The following TTN variants were observed in gnomAD, a reference collection of about 807,000 sequenced individuals.
The protein encoded by TTN is titin, also known as connectin.
In TTN, 1,525 loss-of-function variants were observed where a neutral mutation model predicts 3,223.0. That is an observed-to-expected ratio of 0.47 (90% CI 0.45 to 0.49). The LOEUF (loss-of-function observed/expected upper bound fraction) is 0.49. Ranked by LOEUF, TTN falls within the 20% of genes least tolerant of loss-of-function variation. The pLI is 0.00. For missense variants in TTN, 40,786 were observed against 43,424.0 expected (o/e 0.94, Z 5.40); for synonymous variants, 14,094 against 15,161.0 (o/e 0.93, Z 5.17).
Position 178,548,472 on chromosome 2 carries a change from C to T in TTN, c.93154G>A (p.Val31052Met), listed in dbSNP as rs764170998. The part of the protein sequence containing the change: ...LDGGARIHHY[V>M]VEKREASRRS... ...CGACTTGCCTCTCGTTTCTCTACCACATAATGATGGATTCGGGCACCACCG... is the reference window on the plus strand; with the variant it reads ...CGACTTGCCTCTCGTTTCTCTACCATATAATGATGGATTCGGGCACCACCG... Residue 31052 changes from valine (V) to methionine (M), a missense_variant, in exon 339 of 363, where the codon GTG becomes ATG. Transcript: ENST00000589042. This position sits in a 1 kb window ranked among gnomAD's most constrained non-coding sequence, Gnocchi z 4.3. The T allele has an allele frequency of 4.3e-6, 7 of 1,613,892 alleles. No individual in the cohort carries two copies. Among genetic ancestry groups the T allele is most frequent in the South Asian group, 1.1e-5 (1 of 91,082 alleles).
At chr2:178,693,013 A>C (rs2072852133) in intron 119 of TTN, among the ~76,000 whole-genome samples, 1 of 152,020 alleles carries the variant, frequency 6.6e-6, no homozygotes, top group Non-Finnish European at 1.5e-5. Context: ...TAGTGCTTGC[A>C]GATTTCCGAT....
In TTN at chr2:178,669,671, G is replaced by A. The variant is rs748919007; in HGVS notation, c.35391C>T (p.Pro11797=). The A allele has an allele frequency of 1.1e-5, 17 of 1,611,748 alleles. No homozygotes were observed. Among genetic ancestry groups the A allele is most frequent in the East Asian group, 6.7e-5 (3 of 44,804 alleles). ...CTGGGACAATTTTCTTGGGTACTTCGGGTGCTTTAAAGATATTTATTTATC... is the reference window on the plus strand; with the variant it reads ...CTGGGACAATTTTCTTGGGTACTTCAGGTGCTTTAAAGATATTTATTTATC... ...EEPRVPPTKA[P]EVPKKIVPEE... Residue 11797 remains proline (P), a synonymous_variant, in exon 158 of 363, where the codon CCC becomes CCT. Coordinates refer to ENST00000589042, the MANE Select transcript of TTN (RefSeq NM_001267550.2).
In TTN at chr2:178,608,169, A is replaced by G; in HGVS notation, c.52705+9T>C. 1 of 1,601,342 alleles carries G rather than the reference A, an allele frequency of 6.2e-7. No individual in the cohort carries two copies. Among genetic ancestry groups the G allele is most frequent in the Non-Finnish European group, 8.5e-7 (1 of 1,173,792 alleles). ...TTCTACTCCACCTTCTTCTTAAGGAACTACTTACAGATTGGATCATGTGCT... is the reference window on the plus strand; with the variant it reads ...TTCTACTCCACCTTCTTCTTAAGGAGCTACTTACAGATTGGATCATGTGCT... On this transcript the variant is annotated intron_variant, in intron 275 of 362. Coordinates refer to ENST00000589042, the MANE Select transcript of TTN (RefSeq NM_001267550.2).
rs147541407 is a variant in TTN, at chr2:178,526,386, G to A, written c.*626C>T. 1 of 152,754 alleles carries A rather than the reference G, an allele frequency of 6.5e-6. No homozygotes were observed. Among genetic ancestry groups the A allele is most frequent in the African/African-American group, 2.4e-5 (1 of 41,580 alleles). 9.5% of individuals were successfully genotyped at this position (152,754 alleles called of 1,614,324 possible). ...CCTTATGTCAGAGACAGCGTAAAAT[G>A]AGCGAACAAAGTGTTGGCCGTTACA... is the stretch of plus-strand genomic sequence containing the variant. On this transcript the variant is annotated 3_prime_UTR_variant, in exon 363 of 363. Transcript: ENST00000589042.
At position 178,757,931 on chromosome 2, in the gene TTN, A is replaced by G; in HGVS notation, c.10304-15T>C. On this transcript the variant is annotated splice_polypyrimidine_tract_variant and intron_variant, in intron 44 of 362. Coordinates refer to ENST00000589042, the MANE Select transcript of TTN (RefSeq NM_001267550.2). ...TTTGCTAAATCCTGAAAAGAAGCAT[A>G]CCAATTTTTAATGTCTTACCTTGCA... is the stretch of plus-strand genomic sequence containing the variant. 4 of 1,514,280 alleles carry G rather than the reference A, an allele frequency of 2.6e-6. No individual in the cohort carries two copies. Among genetic ancestry groups the G allele is most frequent in the Non-Finnish European group, 3.5e-6 (4 of 1,132,946 alleles). 93.8% of individuals were successfully genotyped at this position (1,514,280 alleles called of 1,614,324 possible).
At position 178,569,278 on chromosome 2, in the gene TTN, T is replaced by A; in HGVS notation, c.76854A>T (p.Val25618=). The change falls in exon 326 of 363, where the codon GTA becomes GTT. Residue 25618 remains valine, a synonymous_variant. Coordinates refer to ENST00000589042, the MANE Select transcript of TTN (RefSeq NM_001267550.2). ...ACAAAGGAGGTTCCCATGTAATTGA[T>A]ACTGAGTCTTTGGTGATTTCTGTGA... ...LKVTEITKDS[V]SITWEPPLLD... 2 of 1,609,612 alleles carry A rather than the reference T, an allele frequency of 1.2e-6. No homozygotes were observed. Among genetic ancestry groups the A allele is most frequent in the Non-Finnish European group, 1.7e-6 (2 of 1,177,410 alleles).
chr2:178,664,497 C>T lies in TTN; in HGVS notation c.36243G>A (p.Val12081=), dbSNP rs746989050. 1 of 1,612,342 alleles carries T rather than the reference C, an allele frequency of 6.2e-7. No individual in the cohort carries two copies. Among genetic ancestry groups the T allele is most frequent in the Non-Finnish European group, 8.5e-7 (1 of 1,179,512 alleles). ...ALREVVPEKK[V]HPPQRAEVVP... is the part of the protein sequence containing the mutation. ...CAACTTCAGCCCTTTGGGGAGGATG[C>T]ACTTTCTTTTCCGGGACAACTTCTC... The change falls in exon 168 of 363, where the codon GTG becomes GTA. Residue 12081 remains valine (V), a synonymous_variant. Coordinates refer to ENST00000589042, the MANE Select transcript of TTN (RefSeq NM_001267550.2).
rs1238448278 is a variant in TTN, at chr2:178,748,920, CT to C, written c.11311+4203del. On this transcript the variant is annotated intron_variant, in intron 47 of 362. Transcript: ENST00000589042. ...GATTCTCTTTGCTTTAATGAAAAGG[CT>C]TTGTCATCAATCTTCTTTTGAGGAG... 6.2e-7 allele frequency: 1 copy of C among 1,612,446 alleles called. No individual in the cohort carries two copies. The highest frequency in any genetic ancestry group is 1.1e-5 in the South Asian group (1 of 91,002).
At chr2:178,598,083 A>T in intron 292 of TTN, 25 bp from the exon 293 acceptor site, 1 of 1,603,316 alleles carries the variant, frequency 6.2e-7, no homozygotes, top group Non-Finnish European at 8.5e-7. Context: ...TAGACATTTT[A>T]TAATTAGAAT....
chr2:178,545,615 T>A lies in TTN; in HGVS notation c.95495A>T (p.Glu31832Val). ...EHIIIQWTKPESDGGNEISNY... is the reference protein window; with the variant it reads ...EHIIIQWTKPVSDGGNEISNY... Reference sequence around the variant, plus strand: ...GCTGATTTCATTGCCACCATCAGATTCAGGTTTTGTCCACTGAATGATGAT... The same window carrying A: ...GCTGATTTCATTGCCACCATCAGATACAGGTTTTGTCCACTGAATGATGAT... Residue 31832 changes from glutamate to valine, a missense_variant, in exon 344 of 363, where the codon GAA becomes GTA. Transcript: ENST00000589042. 10 of 1,613,792 alleles carry A rather than the reference T, an allele frequency of 6.2e-6. No individual in the cohort carries two copies. Among genetic ancestry groups the A allele is most frequent in the Non-Finnish European group, 8.5e-6 (10 of 1,179,730 alleles).
Position 178,731,872 on chromosome 2 carries a change from A to T in TTN, c.17003T>A (p.Ile5668Asn). 1 of 1,613,762 alleles carries T rather than the reference A, an allele frequency of 6.2e-7. No individual in the cohort carries two copies. Among genetic ancestry groups the T allele is most frequent in the Non-Finnish European group, 8.5e-7 (1 of 1,179,746 alleles). ...GATTGTGTTATCTTTGAACCAAGTG[A>T]TCTCAAAGGGAGGAGTGCCTGCCAC... is the stretch of plus-strand genomic sequence containing the variant. ...AEVAGTPPFEITWFKDNTILR... is the reference protein window; with the variant it reads ...AEVAGTPPFENTWFKDNTILR... Residue 5668 changes from isoleucine to asparagine, a missense_variant, in exon 58 of 363, where the codon ATC (isoleucine) becomes AAC (asparagine). By Grantham distance (149) the Ile-to-Asn change is moderately radical. Transcript: ENST00000589042.
In TTN at chr2:178,706,506, C is replaced by T; in HGVS notation, c.29368G>A (p.Glu9790Lys). 2 of 1,613,800 alleles carry T rather than the reference C, an allele frequency of 1.2e-6. No homozygotes were observed. Among genetic ancestry groups the T allele is most frequent in the Non-Finnish European group, 1.7e-6 (2 of 1,179,796 alleles). Residue 9790 changes from glutamate to lysine, a missense_variant, in exon 102 of 363, where the codon GAA becomes AAA. Coordinates refer to ENST00000589042, the MANE Select transcript of TTN (RefSeq NM_001267550.2). The stretch of plus-strand genomic sequence containing the variant: ...TCAATTTTCTCTTGTTTCTTCCTTT[C>T]ATCCACCTGTAAGTTAACATTACTT... ...IESNVNLQVDERKKQEKIEGD... is the reference protein window; with the variant it reads ...IESNVNLQVDKRKKQEKIEGD...
In TTN at chr2:178,567,151, T is replaced by C; in HGVS notation, c.78981A>G (p.Arg26327=). The change falls in exon 326 of 363, where the codon CGA becomes CGG. Residue 26327 remains arginine, a synonymous_variant. Coordinates refer to ENST00000589042, the MANE Select transcript of TTN (RefSeq NM_001267550.2). ...SDISHYVVEK[R]ETSRLAWTVV... is the part of the protein sequence containing the mutation. ...CAGTCCAGGCAAGTCGACTGGTTTC[T>C]CGCTTTTCAACAACATAGTGAGAAA... 6.2e-7 allele frequency: 1 copy of C among 1,613,558 alleles called. No homozygotes were observed. The highest frequency in any genetic ancestry group is 8.5e-7 in the Non-Finnish European group (1 of 1,179,616).
intron 99 of TTN, among the ~76,000 whole-genome samples, chr2:178,708,545 C>A (rs1281786766): frequency 1.3e-5 from 2 of 152,140 alleles, no homozygotes; most frequent in Non-Finnish European, 2.9e-5. Context: ...CTTCTGATGT[C>A]TATCCTTTAA....
rs748141182 is a variant in TTN at position 178,593,399 on chromosome 2, T to C, written c.58809A>G (p.Pro19603=). The change falls in exon 299 of 363, where the codon CCA becomes CCG. Residue 19603 remains proline, a synonymous_variant. Coordinates refer to ENST00000589042, the MANE Select transcript of TTN (RefSeq NM_001267550.2). The part of the protein sequence containing the change: ...KDSALVTWNK[P]HDGGKPITNY... ...TTGTGATGGGTTTTCCTCCATCATG[T>C]GGCTTATTCCAGGTTACTAATGCAG... The C allele has an allele frequency of 1.2e-6, 2 of 1,613,254 alleles. No individual in the cohort carries two copies. The highest frequency in any genetic ancestry group is 1.7e-6 in the Non-Finnish European group (2 of 1,179,576).
At chr2:178,685,035 A>G in intron 129 of TTN, 46 bp from the exon 130 acceptor site, 8 of 1,462,854 alleles carry the variant, frequency 5.5e-6, no homozygotes, top group Non-Finnish European at 7.5e-6. Context: ...CTTACATATG[A>G]AGTGACACAG....
chr2:178,741,234 T>C lies in TTN; in HGVS notation c.11999A>G (p.Asp4000Gly), dbSNP rs938144456. The C allele has an allele frequency of 6.2e-7, 1 of 1,613,540 alleles. No homozygotes were observed. Among genetic ancestry groups the C allele is most frequent in the Non-Finnish European group, 8.5e-7 (1 of 1,179,826 alleles). ...PNGSGTFIVN[D>G]PQREDSGLYI... The stretch of plus-strand genomic sequence containing the variant: ...GAGGCCACTGTCTTCCCTCTGAGGG[T>C]CATTGACAATGAAAGTTCCAGAGCC... The change falls in exon 48 of 363, where the codon GAC becomes GGC. Residue 4000 changes from aspartate (D) to glycine (G), a missense_variant. Asp to Gly is a moderately conservative substitution (Grantham distance 94). Transcript: ENST00000589042.
rs1433675030 is a variant in TTN at position 178,622,761 on chromosome 2, TGAG to T, written c.44819_44821del (p.Pro14940del). On this transcript the variant is annotated inframe_deletion, in exon 243 of 363. Transcript: ENST00000589042. Reference sequence around the variant, plus strand: ...GGTGAGTGGTCTTAAGAATTCCACATGAGGAGCTGTAAGAGAATGTCATCAGAA... The same window carrying T: ...GGTGAGTGGTCTTAAGAATTCCACATGAGCTGTAAGAGAATGTCATCAGAA... The T allele has an allele frequency of 1.3e-6, 2 of 1,598,100 alleles. No homozygotes were observed. The highest frequency in any genetic ancestry group is 1.3e-5 in the African/African-American group (1 of 74,522).
chr2:178,800,588 G>A lies in TTN; in HGVS notation c.390C>T (p.Ile130=). The A allele has an allele frequency of 1.9e-6, 3 of 1,614,092 alleles. No homozygotes were observed. Among genetic ancestry groups the A allele is most frequent in the Non-Finnish European group, 2.5e-6 (3 of 1,179,970 alleles). ...QVRLQVRVTG[I]PTPVVKFYRD... The stretch of plus-strand genomic sequence containing the variant: ...GGTAGAACTTCACCACAGGTGTAGG[G>A]ATTCCAGTCACTCTCACTTGGAGTC... The change falls in exon 4 of 363, where the codon ATC becomes ATT. Residue 130 remains isoleucine, a synonymous_variant. Transcript: ENST00000589042.
Sources: allele counts gnomAD v4.1 joint callset (sites outside exome capture counted in the v4.1 genomes callset), GRCh38; gene constraint gnomAD v4.1.1; non-coding constraint Gnocchi (gnomAD v3.1); transcripts MANE v1.5; gene names NCBI Gene and HGNC (gene_info 2026-07-23, HGNC 2026-07-21).